The following ABCC1 variants were observed in gnomAD, a reference collection of about 807,000 sequenced individuals.
The protein encoded by ABCC1 is ATP binding cassette subfamily C member 1 (ABCC1 blood group).
A neutral mutation model predicts 172.9 loss-of-function variants in ABCC1; 83 were observed. The observed-to-expected ratio is 0.48, with a 90% CI of 0.40 to 0.58. The LOEUF (loss-of-function observed/expected upper bound fraction) is 0.58, where lower values mean the gene tolerates loss of function less well. Ranked by LOEUF, ABCC1 falls within the 20% of genes least tolerant of loss-of-function variation. The pLI, the probability that ABCC1 is intolerant of heterozygous loss-of-function variation, is 0.00. For missense variants in ABCC1, 1,817 were observed against 2,002.7 expected (o/e 0.91, Z 1.77); for synonymous variants, 937 against 825.2 (o/e 1.14, Z -2.32).
At chr16:16,011,889 G>C (rs561987859) in intron 3 of ABCC1, among the ~76,000 whole-genome samples, 1 of 151,664 alleles carries the variant, frequency 6.6e-6, no homozygotes, top group East Asian at 1.9e-4. Flanking sequence ...GGCTGGTCTC[G>C]AACTCCGGAC....
chr16:16,118,801 A>G (rs1418557267), intron 23 of ABCC1, among the ~76,000 whole-genome samples: 2 of 150,280 alleles, frequency 1.3e-5, no homozygotes, highest in East Asian at 4.0e-4. Context: ...GGTTGAGATT[A>G]TAGAATAGTT....
intron 1 of ABCC1, among the ~76,000 whole-genome samples, chr16:15,996,949 C>T (rs1239059887): frequency 6.6e-6 from 1 of 152,154 alleles, no homozygotes; most frequent in Non-Finnish European, 1.5e-5. Context: ...GGTCAGGGGC[C>T]ACTCGGACTT....
chr16:15,964,433 A>G lies in ABCC1; in HGVS notation c.48+14634A>G, dbSNP rs1262869023. ...AGAACAGCATGGGGGAACCGTCCCC[A>G]TGATCTAATCACCTCCCATGATGTC... On this transcript the variant is annotated intron_variant, in intron 1 of 30. Coordinates refer to ENST00000399410, the MANE Select transcript of ABCC1 (RefSeq NM_004996.4). 5.9e-5 allele frequency among the ~76,000 whole-genome samples: 9 copies of G among 152,284 alleles called. No homozygotes were observed. The East Asian group carries it at 1.2e-3, about 20-fold the overall frequency.
rs192983487 is a variant in ABCC1 at position 16,118,630 on chromosome 16, T to G, written c.3391-3345T>G. ...AGCAGGGATAATTAGAAGACGCAGC[T>G]GTTGGAGCACCAAGGATTTTTATTT... On this transcript the variant is annotated intron_variant, in intron 23 of 30. Coordinates refer to ENST00000399410, the MANE Select transcript of ABCC1 (RefSeq NM_004996.4). 1.1e-4 allele frequency among the ~76,000 whole-genome samples: 16 copies of G among 152,058 alleles called. No individual in the cohort carries two copies. In the East Asian group the frequency reaches 2.7e-3, roughly 26 times the overall value.
chr16:16,089,746 G>A (rs2051163026), intron 18 of ABCC1, among the ~76,000 whole-genome samples: 2 of 150,914 alleles, frequency 1.3e-5, no homozygotes, highest in Non-Finnish European at 3.0e-5. Flanking sequence ...GTGTGGTGGC[G>A]GGCGCATGTA....
chr16:16,058,680 C>A (rs556569980), intron 12 of ABCC1, among the ~76,000 whole-genome samples: 1 of 152,020 alleles, frequency 6.6e-6, no homozygotes, highest in African/African-American at 2.4e-5. Context: ...AGATGAAGTC[C>A]CAGTCTGTCA....
chr16:15,998,053 C>T (rs996961912), intron 1 of ABCC1, among the ~76,000 whole-genome samples: 4 of 151,798 alleles, frequency 2.6e-5, no homozygotes, highest in African/African-American at 9.7e-5. Context: ...AACTCCTGGC[C>T]TCAAGTGATC....
At position 16,048,724 on chromosome 16, in the gene ABCC1, C is replaced by T. The variant is rs575912668; in HGVS notation, c.1380+421C>T. 8.5e-5 allele frequency among the ~76,000 whole-genome samples: 13 copies of T among 152,266 alleles called. No homozygotes were observed. In the East Asian group the frequency reaches 1.9e-3, roughly 23 times the overall value. On this transcript the variant is annotated intron_variant, in intron 10 of 30. Transcript: ENST00000399410. ...CTAAGTGGCCGGTTGCAGAGGCTCA[C>T]GCCTGTAATCCCAGCACTTTGGGAG...
At chr16:16,026,685 A>T (rs1440254918) in intron 5 of ABCC1, among the ~76,000 whole-genome samples, 3 of 151,152 alleles carry the variant, frequency 2.0e-5, no homozygotes, top group Admixed American at 6.6e-5. Flanking sequence ...TGAGGCCGAG[A>T]TAGGCGGATC....
At chr16:16,120,266 C>T (rs569108697) in intron 23 of ABCC1, among the ~76,000 whole-genome samples, 3 of 152,252 alleles carry the variant, frequency 2.0e-5, no homozygotes, top group African/African-American at 4.8e-5. Context: ...GCTCTCCTGT[C>T]GATAAGCAAT....
chr16:16,130,763 CTG>C (rs1200925306), intron 26 of ABCC1, among the ~76,000 whole-genome samples: 1 of 152,158 alleles, frequency 6.6e-6, no homozygotes, highest in Non-Finnish European at 1.5e-5. Flanking sequence ...TTAAAAGAAT[CTG>C]GGGGCAACAT....
intron 23 of ABCC1, among the ~76,000 whole-genome samples, chr16:16,116,117 G>T (rs1412630616): frequency 1.3e-5 from 2 of 151,796 alleles, no homozygotes; most frequent in African/African-American, 4.8e-5. Flanking sequence ...TGTTAGCCAG[G>T]ATGGTCTCAA....
At chr16:16,103,942 G>A (rs1380562576) in intron 20 of ABCC1, among the ~76,000 whole-genome samples, 3 of 152,136 alleles carry the variant, frequency 2.0e-5, no homozygotes, top group Non-Finnish European at 2.9e-5. Context: ...GTTCGGATGT[G>A]TTCGGAGTTT....
chr16:16,052,693 G>C (rs762518972), intron 10 of ABCC1, 31 bp from the exon 11 acceptor site: 1 of 1,606,214 alleles, frequency 6.2e-7, no homozygotes, highest in Non-Finnish European at 8.5e-7. Flanking sequence ...TCTGTCTGGT[G>C]AGTGATGAAG....
rs369301958 is a variant in ABCC1 at position 15,950,048 on chromosome 16, G to T, written c.48+249G>T. Among the ~76,000 whole-genome samples the T allele has an allele frequency of 4.6e-5, 7 of 152,190 alleles. No homozygotes were observed. The South Asian group carries it at 1.5e-3, about 32-fold the overall frequency. Reference sequence around the variant, plus strand: ...GTGCCCAGCCCTGGGGTTTTGGAGGGTCGGGTCGGGTCAGAGCCGCCGTGA... The same window carrying T: ...GTGCCCAGCCCTGGGGTTTTGGAGGTTCGGGTCGGGTCAGAGCCGCCGTGA... On this transcript the variant is annotated intron_variant, in intron 1 of 30. Transcript: ENST00000399410.
intron 10 of ABCC1, among the ~76,000 whole-genome samples, chr16:16,048,758 G>A (rs756991642): frequency 9.2e-5 from 14 of 152,142 alleles, no homozygotes; most frequent in African/African-American, 2.9e-4. Flanking sequence ...AGGCCGAGGC[G>A]GGCAGATCAC....
chr16:16,058,530 A>G (rs1294951917), intron 12 of ABCC1, among the ~76,000 whole-genome samples: 1 of 152,210 alleles, frequency 6.6e-6, no homozygotes, highest in Non-Finnish European at 1.5e-5. Context: ...AAGCGTGTTC[A>G]TGCTCCCACT....
chr16:16,051,233 G>A (rs965564199), intron 10 of ABCC1, among the ~76,000 whole-genome samples: 1 of 151,486 alleles, frequency 6.6e-6, no homozygotes, highest in Non-Finnish European at 1.5e-5. Flanking sequence ...GCAGTGGTGC[G>A]ATCATAGCTC....
chr16:15,982,186 C>G (rs557893460), intron 1 of ABCC1, among the ~76,000 whole-genome samples: 1 of 152,314 alleles, frequency 6.6e-6, no homozygotes, highest in East Asian at 1.9e-4. Flanking sequence ...CTGCCTGATA[C>G]TCAGTTCCAA....
Sources: gnomAD v4.1 joint callset for allele counts (sites outside exome capture counted in the v4.1 genomes callset) on GRCh38, gnomAD v4.1.1 for gene constraint, MANE v1.5 for transcripts, NCBI Gene and HGNC (gene_info 2026-07-23, HGNC 2026-07-21) for gene names.